ADAMTS17: variants seen among roughly 807,000 people sequenced by gnomAD.
The protein encoded by ADAMTS17 is A disintegrin and metalloproteinase with thrombospondin motifs 17.
Under a neutral mutation model 141.5 loss-of-function variants are expected in ADAMTS17, and 113 were observed. The observed-to-expected ratio is 0.80, with a 90% CI of 0.69 to 0.93. The LOEUF (loss-of-function observed/expected upper bound fraction) is 0.93, where lower values mean the gene tolerates loss of function less well. Ranked by LOEUF, ADAMTS17 falls within the 40% of genes least tolerant of loss-of-function variation. The pLI, the probability that ADAMTS17 is intolerant of heterozygous loss-of-function variation, is 0.00. For synonymous variants in ADAMTS17, 768 were observed against 630.6 expected (o/e 1.22, Z -3.27); for missense variants, 1,659 against 1,517.9 (o/e 1.09, Z -1.54).
chr15:100,197,981 A>C (rs2141626615), intron 8 of ADAMTS17, among the ~76,000 whole-genome samples: 1 of 152,314 alleles, frequency 6.6e-6, no homozygotes, highest in East Asian at 1.9e-4. Flanking sequence ...CAATGAGAAC[A>C]CATGGACACA....
chr15:100,230,433 G>A (rs1481462550), intron 7 of ADAMTS17, among the ~76,000 whole-genome samples: 1 of 152,164 alleles, frequency 6.6e-6, no homozygotes, highest in Non-Finnish European at 1.5e-5. Context: ...ATAGACACAC[G>A]AGCTAATTCC....
At chr15:100,169,950 G>A (rs977174503) in intron 8 of ADAMTS17, among the ~76,000 whole-genome samples, 4 of 152,130 alleles carry the variant, frequency 2.6e-5, no homozygotes, top group African/African-American at 4.8e-5. Flanking sequence ...TTCAGGAGGC[G>A]GGGTTCAGGG....
chr15:99,973,062 C>T lies in ADAMTS17; in HGVS notation c.*1340G>A, dbSNP rs976815126. On this transcript the variant is annotated 3_prime_UTR_variant, in exon 22 of 22. Transcript: ENST00000268070. ...AAACAGGCCTCCTGGCATCTAGGGTCCCTGCCCGGCCTCCTTGCAGGTAGG... is the reference window on the plus strand; with the variant it reads ...AAACAGGCCTCCTGGCATCTAGGGTTCCTGCCCGGCCTCCTTGCAGGTAGG... 5.3e-5 allele frequency: 8 copies of T among 152,080 alleles called. No individual in the cohort carries two copies. Among genetic ancestry groups the T allele is most frequent in the Non-Finnish European group, 1.2e-4 (8 of 68,028 alleles). 9.4% of individuals were successfully genotyped at this position (152,080 alleles called of 1,614,324 possible).
intron 7 of ADAMTS17, among the ~76,000 whole-genome samples, chr15:100,232,319 G>A (rs1425098692): frequency 6.6e-6 from 1 of 152,206 alleles, no homozygotes; most frequent in Non-Finnish European, 1.5e-5. Flanking sequence ...CCCCCTGCCA[G>A]CACCTCCCCA....
intron 10 of ADAMTS17, among the ~76,000 whole-genome samples, chr15:100,134,975 C>G (rs908573130): frequency 6.6e-6 from 1 of 152,184 alleles, no homozygotes; most frequent in Admixed American, 6.5e-5. Flanking sequence ...TGCACTCTGA[C>G]CTGCGAGCTC....
At chr15:100,120,929 G>A (rs964077276) in intron 12 of ADAMTS17, among the ~76,000 whole-genome samples, 3 of 152,178 alleles carry the variant, frequency 2.0e-5, no homozygotes, top group Non-Finnish European at 2.9e-5. Flanking sequence ...ACTTTAAAAC[G>A]ACTGTCTTAA....
chr15:100,056,367 G>A (rs1018765207), intron 15 of ADAMTS17, among the ~76,000 whole-genome samples: 6 of 151,598 alleles, frequency 4.0e-5, no homozygotes, highest in African/African-American at 1.5e-4. Flanking sequence ...TAAGACAGCA[G>A]TCCCCAGGAC....
chr15:100,200,517 G>A (rs1447059401), intron 7 of ADAMTS17, among the ~76,000 whole-genome samples: 2 of 152,094 alleles, frequency 1.3e-5, no homozygotes, highest in Non-Finnish European at 2.9e-5. Flanking sequence ...ATCTCAACAG[G>A]GCTCGCTAGG....
chr15:100,151,944 C>G (rs940752665), intron 10 of ADAMTS17, among the ~76,000 whole-genome samples: 30 of 152,222 alleles, frequency 2.0e-4, no homozygotes, highest in African/African-American at 7.0e-4. Context: ...AATCCTCGCT[C>G]TACTACCTAC....
chr15:100,333,441 T>C (rs1440183622), intron 2 of ADAMTS17, among the ~76,000 whole-genome samples: 1 of 152,122 alleles, frequency 6.6e-6, no homozygotes, highest in Non-Finnish European at 1.5e-5. Flanking sequence ...GCCAAGTGAA[T>C]CGGAATCTCT....
intron 18 of ADAMTS17, among the ~76,000 whole-genome samples, chr15:100,025,414 CTT>C (rs530003718): frequency 1.2e-4 from 16 of 135,900 alleles, no homozygotes; most frequent in Non-Finnish European, 1.6e-4. Flanking sequence ...CTTTTCTTTT[CTT>C]TTTTTTTTTT....
At chr15:100,035,567 T>C (rs1487686091) in intron 18 of ADAMTS17, among the ~76,000 whole-genome samples, 1 of 152,036 alleles carries the variant, frequency 6.6e-6, no homozygotes, top group Non-Finnish European at 1.5e-5. Flanking sequence ...GGATGGCACT[T>C]TTTTCAGGGT....
In ADAMTS17 at chr15:100,096,437, CT is replaced by C; in HGVS notation, c.2055del (p.Glu686ArgfsTer17). ...GCDGIIGSAA[K>X]EDRCGVCSGD... is the part of the protein sequence containing the mutation. ...CCGCTGCAGACCCCGCATCTGTCCT[CT>C]TTGGCTGCAGACCCGATGATGCCGT... On this transcript the variant is annotated frameshift_variant, in exon 15 of 22. Transcript: ENST00000268070. LOFTEE classifies it high-confidence loss of function. 1 of 1,614,166 alleles carries C rather than the reference CT, an allele frequency of 6.2e-7. No individual in the cohort carries two copies. The highest frequency in any genetic ancestry group is 8.5e-7 in the Non-Finnish European group (1 of 1,180,038).
chr15:100,199,781 G>A (rs1238484546), intron 7 of ADAMTS17, among the ~76,000 whole-genome samples: 1 of 152,178 alleles, frequency 6.6e-6, no homozygotes, highest in African/African-American at 2.4e-5. Context: ...GCGATCCTAC[G>A]CCAGATCTGT....
At chr15:100,281,539 C>T in intron 3 of ADAMTS17, 138 bp from the exon 4 acceptor site, 1 of 1,152,038 alleles carries the variant, frequency 8.7e-7, no homozygotes, top group Non-Finnish European at 1.2e-6. Context: ...ACCCAGCAAT[C>T]TCCACCGTCA....
intron 2 of ADAMTS17, among the ~76,000 whole-genome samples, chr15:100,335,551 C>T (rs572444615): frequency 1.1e-3 from 168 of 152,336 alleles, no homozygotes; most frequent in African/African-American, 2.0e-3. Context: ...CCTTGCTGGG[C>T]GCCTACCAGA....
intron 8 of ADAMTS17, among the ~76,000 whole-genome samples, chr15:100,179,315 C>T (rs2040443421): frequency 6.6e-6 from 1 of 152,176 alleles, no homozygotes; most frequent in Non-Finnish European, 1.5e-5. Flanking sequence ...ATAAGTAGAA[C>T]ATGTGAAGTT....
chr15:100,331,348 T>G (rs146145396), intron 2 of ADAMTS17, among the ~76,000 whole-genome samples: 1,804 of 152,284 alleles, frequency 0.012, 40 homozygotes, highest in African/African-American at 0.04. Context: ...AAATTTTTAA[T>G]TTTAAAATTA....
At chr15:100,026,989 C>A (rs1033482025) in intron 18 of ADAMTS17, among the ~76,000 whole-genome samples, 1 of 152,210 alleles carries the variant, frequency 6.6e-6, no homozygotes, top group African/African-American at 2.4e-5. Context: ...TTCAATCAGT[C>A]TAGTGGGTGT....
Sources: allele counts gnomAD v4.1 joint callset (sites outside exome capture counted in the v4.1 genomes callset), GRCh38; gene constraint gnomAD v4.1.1; transcripts MANE v1.5; gene names NCBI Gene and HGNC (gene_info 2026-07-23, HGNC 2026-07-21).